Variants in CLCN5 observed in about 807,000 individuals in gnomAD.
CLCN5 encodes Cl-/H+ antiporter 5, also known as H(+)/Cl(-) exchange transporter 5.
A neutral mutation model predicts 54.0 loss-of-function variants in CLCN5; 17 were observed. The ratio of observed to expected loss-of-function variants is 0.31; its 90% CI spans 0.22 to 0.47. The LOEUF (loss-of-function observed/expected upper bound fraction) is 0.47, where lower values mean the gene tolerates loss of function less well. Among genes scored for constraint, CLCN5 ranks in the 20% least tolerant of loss-of-function variants. The pLI, the probability that CLCN5 is intolerant of heterozygous loss-of-function variation, is 1.00. For synonymous variants in CLCN5, 222 were observed against 233.0 expected (o/e 0.95, Z 0.43); for missense variants, 448 against 646.7 (o/e 0.69, Z 3.33).
At chrX:49,992,482 G>A (rs1929315100) in intron 3 of CLCN5, among the ~76,000 whole-genome samples, 1 of 110,997 alleles carries the variant, frequency 9.0e-6, no homozygotes, top group African/African-American at 3.3e-5. Flanking sequence ...CTGTCCAGGT[G>A]CATCACTGGC....
chrX:50,055,536 G>C (rs782159968), intron 4 of CLCN5, among the ~76,000 whole-genome samples: 3 of 112,336 alleles, frequency 2.7e-5, no homozygotes, highest in Non-Finnish European at 5.6e-5. Context: ...TTGTCCACAA[G>C]TATCCCAGTA....
intron 6 of CLCN5, 98 bp from the exon 7 acceptor site, chrX:50,075,697 T>C: frequency 1.4e-6 from 1 of 732,294 alleles, no homozygotes; most frequent in Non-Finnish European, 2.2e-6. Context: ...TTGATTCCTT[T>C]CCCCTCATTT....
chrX:49,982,979 T>C (rs1928819705), intron 3 of CLCN5, among the ~76,000 whole-genome samples: 2 of 112,006 alleles, frequency 1.8e-5, no homozygotes, highest in African/African-American at 6.5e-5. Flanking sequence ...CCCCCAGCAT[T>C]ATTGTGGTAT....
intron 11 of CLCN5, among the ~76,000 whole-genome samples, chrX:50,087,866 A>T (rs905852886): frequency 8.9e-6 from 1 of 111,946 alleles, no homozygotes; most frequent in Admixed American, 9.5e-5. Context: ...TTTTAAAAGA[A>T]TCTGCTGTTT....
At chrX:49,966,538 T>A (rs1423405582) in intron 3 of CLCN5, among the ~76,000 whole-genome samples, 7 of 105,186 alleles carry the variant, frequency 6.7e-5, no homozygotes, top group Admixed American at 6.3e-4. Flanking sequence ...CTTTCATTTT[T>A]ATGTTTCCTT....
At chrX:50,035,766 A>G (rs1005229418) in intron 3 of CLCN5, among the ~76,000 whole-genome samples, 1 of 112,321 alleles carries the variant, frequency 8.9e-6, no homozygotes, top group Non-Finnish European at 1.9e-5. Context: ...ACTGAATGCC[A>G]TACAAAGAAG....
chrX:50,025,667 C>T (rs1931339744), intron 3 of CLCN5, among the ~76,000 whole-genome samples: 1 of 111,354 alleles, frequency 9.0e-6, no homozygotes, highest in South Asian at 3.8e-4. Flanking sequence ...CTCTTTCCAT[C>T]TATTTATCTC....
At chrX:49,957,401 G>C (rs1185261234) in intron 3 of CLCN5, among the ~76,000 whole-genome samples, 2 of 112,129 alleles carry the variant, frequency 1.8e-5, no homozygotes, top group Non-Finnish European at 3.8e-5. Flanking sequence ...TTTAGATGAA[G>C]TCCCATTAAA....
chrX:50,001,854 C>T (rs1557180383), intron 3 of CLCN5, among the ~76,000 whole-genome samples: 2 of 110,674 alleles, frequency 1.8e-5, no homozygotes, highest in Admixed American at 9.6e-5. Context: ...CTTAAATGAC[C>T]CTGGTCAAGG....
chrX:50,064,319 A>G (rs1240100368), intron 4 of CLCN5, among the ~76,000 whole-genome samples: 3 of 105,555 alleles, frequency 2.8e-5, no homozygotes, highest in Non-Finnish European at 3.9e-5. Flanking sequence ...AAGTCTCAGG[A>G]TACAAAATCA....
intron 3 of CLCN5, among the ~76,000 whole-genome samples, chrX:49,937,269 A>G (rs1468106161): frequency 2.7e-5 from 3 of 111,953 alleles, no homozygotes; most frequent in African/African-American, 9.7e-5. Flanking sequence ...CGCACAAGAA[A>G]CAGTTGTCAG....
chrX:50,049,233 T>C lies in CLCN5; in HGVS notation c.163+6771T>C, dbSNP rs183218383. ...ATAGTACCAAATTTTTACTGTACTT[T>C]TCTATGTTTAGACACATACTTACCA... On this transcript the variant is annotated intron_variant, in intron 4 of 14. Coordinates refer to ENST00000376091, the MANE Select transcript of CLCN5 (RefSeq NM_001127898.4). Among the ~76,000 whole-genome samples the C allele has an allele frequency of 6.2e-5, 7 of 112,286 alleles. No individual in the cohort carries two copies. In the East Asian group the frequency reaches 2.0e-3, roughly 31 times the overall value.
In CLCN5 at chrX:50,088,684, G is replaced by T; in HGVS notation, c.1558-14G>T. ...ATCATTTCTCACTAACCATCTATTG[G>T]TTTCTCTTTGCAGATCCCTTCTGGC... On this transcript the variant is annotated splice_polypyrimidine_tract_variant and intron_variant, in intron 11 of 14. Coordinates refer to ENST00000376091, the MANE Select transcript of CLCN5 (RefSeq NM_001127898.4). The T allele has an allele frequency of 8.3e-7, 1 of 1,206,393 alleles. No individual in the cohort carries two copies. The highest frequency in any genetic ancestry group is 1.1e-6 in the Non-Finnish European group (1 of 890,726).
chrX:50,058,818 A>T (rs1301672387), intron 4 of CLCN5, among the ~76,000 whole-genome samples: 1 of 111,429 alleles, frequency 9.0e-6, no homozygotes, highest in Non-Finnish European at 1.9e-5. Context: ...AAAATTTGAG[A>T]TAAGTTTTAC....
chrX:50,014,692 C>G (rs1353957708), intron 3 of CLCN5: 2 of 333,662 alleles, frequency 6.0e-6, no homozygotes, highest in Admixed American at 6.5e-5. Flanking sequence ...CTCAACTGTA[C>G]CAAGAAGGAC....
At chrX:50,051,817 C>T (rs781819398) in intron 4 of CLCN5, among the ~76,000 whole-genome samples, 9 of 111,268 alleles carry the variant, frequency 8.1e-5, no homozygotes, top group Non-Finnish European at 1.7e-4. Flanking sequence ...AATTCTAGTT[C>T]ATTACTGGTA....
intron 3 of CLCN5, among the ~76,000 whole-genome samples, chrX:49,959,574 G>T (rs1927498541): frequency 1.8e-5 from 2 of 112,200 alleles, no homozygotes; most frequent in South Asian, 7.4e-4. Context: ...AATGGAGCCT[G>T]CTCATTTGCC....
At chrX:50,034,937 AATG>A (rs1557186355) in intron 3 of CLCN5, among the ~76,000 whole-genome samples, 1 of 111,051 alleles carries the variant, frequency 9.0e-6, no homozygotes, top group Admixed American at 9.6e-5. Flanking sequence ...TACCTCCTAA[AATG>A]ATGTTTTTAT....
intron 3 of CLCN5, among the ~76,000 whole-genome samples, chrX:49,969,149 C>T (rs1185346739): frequency 9.1e-6 from 1 of 110,427 alleles, no homozygotes; most frequent in Non-Finnish European, 1.9e-5. Flanking sequence ...ATGATCTCAG[C>T]TCACTGCAAC....
Sources: allele counts gnomAD v4.1 joint callset (sites outside exome capture counted in the v4.1 genomes callset), GRCh38; gene constraint gnomAD v4.1.1; transcripts MANE v1.5; gene names NCBI Gene and HGNC (gene_info 2026-07-23, HGNC 2026-07-21).